Variants in NXPH1 observed in about 807,000 individuals in gnomAD.
NXPH1 encodes the protein neurexophilin-1.
Under a neutral mutation model 23.7 loss-of-function variants are expected in NXPH1, and 5 were observed. The observed-to-expected ratio is 0.21, with a 90% CI of 0.11 to 0.44. NXPH1 has a LOEUF of 0.44. NXPH1 is among the 20% of genes least tolerant of loss of function. The pLI is 0.99. For synonymous variants in NXPH1, 144 were observed against 122.2 expected (o/e 1.18, Z -1.18); for missense variants, 324 against 321.6 (o/e 1.01, Z -0.06).
At chr7:8,504,774 C>G (rs1817494782) in intron 2 of NXPH1, among the ~76,000 whole-genome samples, 1 of 152,012 alleles carries the variant, frequency 6.6e-6, no homozygotes, top group Non-Finnish European at 1.5e-5. Context: ...CAAAAACAGA[C>G]ATGAAAGCTT....
intron 2 of NXPH1, among the ~76,000 whole-genome samples, chr7:8,530,963 G>A (rs1259829782): frequency 6.6e-6 from 1 of 152,158 alleles, no homozygotes; most frequent in East Asian, 1.9e-4. Flanking sequence ...TATCTCTTTT[G>A]CTTCAAAAGA....
intron 2 of NXPH1, among the ~76,000 whole-genome samples, chr7:8,712,618 A>G (rs1562462471): frequency 6.6e-6 from 1 of 152,212 alleles, no homozygotes; most frequent in Non-Finnish European, 1.5e-5. Context: ...TAGAATAATA[A>G]CATCTCTGCA....
rs78432566 is a variant in NXPH1, at chr7:8,513,629, C to T, written c.54+77862C>T. Among the ~76,000 whole-genome samples the T allele has an allele frequency of 3.0e-4, 45 of 152,128 alleles. No homozygotes were observed. The East Asian group carries it at 8.3e-3, about 28-fold the overall frequency. On this transcript the variant is annotated intron_variant, in intron 2 of 2. Transcript: ENST00000405863. The stretch of plus-strand genomic sequence containing the variant: ...TACCTTTGAGTAGCTACCAACATTG[C>T]ATTATGGTTTGGGGGAACAAGGAAC...
intron 2 of NXPH1, among the ~76,000 whole-genome samples, chr7:8,511,055 T>G (rs2128613956): frequency 6.6e-6 from 1 of 152,234 alleles, no homozygotes; most frequent in East Asian, 1.9e-4. Flanking sequence ...CAGAAAAACC[T>G]TATTTTAAGT....
intron 2 of NXPH1, among the ~76,000 whole-genome samples, chr7:8,573,606 G>A (rs1287082946): frequency 6.6e-6 from 1 of 152,120 alleles, no homozygotes; most frequent in Non-Finnish European, 1.5e-5. Flanking sequence ...TTAGAACCAG[G>A]TTATGGAAGC....
At chr7:8,552,890 CT>C (rs1296219289) in intron 2 of NXPH1, among the ~76,000 whole-genome samples, 1 of 151,224 alleles carries the variant, frequency 6.6e-6, no homozygotes, top group East Asian at 2.0e-4. Flanking sequence ...TTATTTTTTC[CT>C]TTTTTAAAAG....
At chr7:8,655,645 T>C (rs1442813402) in intron 2 of NXPH1, among the ~76,000 whole-genome samples, 1 of 152,112 alleles carries the variant, frequency 6.6e-6, no homozygotes, top group Non-Finnish European at 1.5e-5. Flanking sequence ...TTGTTGATTA[T>C]TGAAAGATTT....
At chr7:8,552,992 A>G (rs1390642336) in intron 2 of NXPH1, among the ~76,000 whole-genome samples, 1 of 151,598 alleles carries the variant, frequency 6.6e-6, no homozygotes, top group Non-Finnish European at 1.5e-5. Flanking sequence ...TACAAAAACT[A>G]AATACAACCA....
Position 8,433,913 on chromosome 7 carries a change from G to A in NXPH1, c.-953G>A, listed in dbSNP as rs1343738446. ...CCTGAGAGCCGGATCTGTTTACACA[G>A]GGTACTAATTAGTCTTTGAGGAATC... On this transcript the variant is annotated 5_prime_UTR_variant, in exon 1 of 3. Coordinates refer to ENST00000405863, the MANE Select transcript of NXPH1 (RefSeq NM_152745.3). This position sits in a 1 kb window ranked among gnomAD's most constrained non-coding sequence, Gnocchi z 6.8. The A allele has an allele frequency of 6.6e-6, 1 of 152,244 alleles. No homozygotes were observed. Among genetic ancestry groups the A allele is most frequent in the Non-Finnish European group, 1.5e-5 (1 of 68,060 alleles). The allele number at this position is 152,244 out of a possible 1,614,324, so 9.4% of individuals were successfully genotyped here. A position where few individuals can be genotyped will look rare whatever the true frequency, so the allele number is the denominator to read the frequency against.
At chr7:8,646,644 G>C (rs570468748) in intron 2 of NXPH1, among the ~76,000 whole-genome samples, 1 of 151,940 alleles carries the variant, frequency 6.6e-6, no homozygotes, top group Non-Finnish European at 1.5e-5. Flanking sequence ...TGTTTTTAAA[G>C]TCTTGAATGC....
chr7:8,580,154 G>A (rs758206633), intron 2 of NXPH1, among the ~76,000 whole-genome samples: 1 of 152,168 alleles, frequency 6.6e-6, no homozygotes, highest in African/African-American at 2.4e-5. Context: ...ATATGGACGG[G>A]ACTTATGACC....
intron 2 of NXPH1, among the ~76,000 whole-genome samples, chr7:8,528,079 C>T (rs942532770): frequency 6.6e-5 from 10 of 152,142 alleles, no homozygotes; most frequent in African/African-American, 1.7e-4. Flanking sequence ...GCACAATAAC[C>T]GATGGTTCGA....
At chr7:8,616,301 C>A (rs906321388) in intron 2 of NXPH1, among the ~76,000 whole-genome samples, 3 of 151,920 alleles carry the variant, frequency 2.0e-5, no homozygotes, top group Non-Finnish European at 2.9e-5. Context: ...TCCCCAGGTA[C>A]CCCCTCACCA....
At chr7:8,694,352 A>G (rs1466540963) in intron 2 of NXPH1, among the ~76,000 whole-genome samples, 2 of 152,230 alleles carry the variant, frequency 1.3e-5, no homozygotes, top group African/African-American at 4.8e-5. Context: ...TCTTTAGGGA[A>G]AATGAATTTT....
intron 2 of NXPH1, among the ~76,000 whole-genome samples, chr7:8,548,635 A>G (rs943726110): frequency 1.3e-5 from 2 of 151,520 alleles, no homozygotes; most frequent in African/African-American, 4.8e-5. Context: ...TACTAAAGTT[A>G]GTATTATACA....
chr7:8,702,532 A>G (rs936152279), intron 2 of NXPH1, among the ~76,000 whole-genome samples: 1 of 152,088 alleles, frequency 6.6e-6, no homozygotes, highest in African/African-American at 2.4e-5. Flanking sequence ...TGTGCCTTAC[A>G]TAGACTGGTT....
At chr7:8,541,475 G>T (rs1316433315) in intron 2 of NXPH1, among the ~76,000 whole-genome samples, 1 of 151,408 alleles carries the variant, frequency 6.6e-6, no homozygotes, top group Non-Finnish European at 1.5e-5. Flanking sequence ...AATCCAAGAA[G>T]TCCAATGAGC....
At chr7:8,509,826 T>C (rs1452188542) in intron 2 of NXPH1, among the ~76,000 whole-genome samples, 1 of 152,128 alleles carries the variant, frequency 6.6e-6, no homozygotes. Context: ...TCAATGCCTT[T>C]GTGTGGTGAG....
rs530623105 is a variant in NXPH1, at chr7:8,497,223, G to A, written c.54+61456G>A. On this transcript the variant is annotated intron_variant, in intron 2 of 2. Transcript: ENST00000405863. The stretch of plus-strand genomic sequence containing the variant: ...TTATTACGGCTGCATAGTATTCCAT[G>A]GTGTATATGTGCCACATTTTCTTAA... Among the ~76,000 whole-genome samples the A allele has an allele frequency of 1.8e-4, 27 of 152,238 alleles. No homozygotes were observed. The South Asian group carries it at 5.2e-3, about 29-fold the overall frequency.
Sources: allele counts gnomAD v4.1 joint callset (sites outside exome capture counted in the v4.1 genomes callset), GRCh38; gene constraint gnomAD v4.1.1; non-coding constraint Gnocchi (gnomAD v3.1); transcripts MANE v1.5; gene names NCBI Gene and HGNC (gene_info 2026-07-23, HGNC 2026-07-21).